The following EZH2 variants were observed in gnomAD, a reference collection of about 807,000 sequenced individuals.
The protein encoded by EZH2 is histone-lysine N-methyltransferase EZH2.
A neutral mutation model predicts 98.4 loss-of-function variants in EZH2; 18 were observed. That is an observed-to-expected ratio of 0.18 (90% CI 0.13 to 0.27). The LOEUF (loss-of-function observed/expected upper bound fraction) is 0.27, where lower values mean the gene tolerates loss of function less well. Ranked by LOEUF, EZH2 falls within the 10% of genes least tolerant of loss-of-function variation. The probability of loss-of-function intolerance (pLI) is 1.00; values close to 1 mark genes in which losing one functional copy is unlikely to be tolerated. For missense variants in EZH2, 470 were observed against 935.1 expected (o/e 0.50, Z 6.49); for synonymous variants, 338 against 312.3 (o/e 1.08, Z -0.87).
chr7:148,871,600 G>A (rs2129492003), intron 1 of EZH2, among the ~76,000 whole-genome samples: 1 of 147,344 alleles, frequency 6.8e-6, no homozygotes, highest in African/African-American at 2.6e-5. Context: ...TTTGAGCAGG[G>A]TCTTGTTCTG....
At chr7:148,811,485 T>G (rs1363505446) in intron 16 of EZH2, 140 bp downstream of exon 16, 6 of 654,828 alleles carry the variant, frequency 9.2e-6, no homozygotes, top group Non-Finnish European at 1.3e-5. Context: ...TCCACAAACA[T>G]GCAGAAGTCC....
intron 8 of EZH2, among the ~76,000 whole-genome samples, chr7:148,823,444 A>C (rs1232878693): frequency 6.6e-6 from 1 of 152,198 alleles, no homozygotes; most frequent in Admixed American, 6.5e-5. Flanking sequence ...CCTTATTCCA[A>C]AAAAAGGGAA....
At chr7:148,859,262 T>C (rs955600381) in intron 1 of EZH2, among the ~76,000 whole-genome samples, 3 of 152,064 alleles carry the variant, frequency 2.0e-5, no homozygotes, top group Non-Finnish European at 4.4e-5. Flanking sequence ...TCCCAGCACT[T>C]TGGGAGGCTG....
At chr7:148,859,818 C>T (rs983724627) in intron 1 of EZH2, among the ~76,000 whole-genome samples, 6 of 152,090 alleles carry the variant, frequency 3.9e-5, no homozygotes, top group Admixed American at 2.0e-4. Flanking sequence ...ATATCCGCAA[C>T]GCCTCAGTGA....
chr7:148,827,869 G>A (rs1808170821), intron 6 of EZH2, among the ~76,000 whole-genome samples: 1 of 152,202 alleles, frequency 6.6e-6, no homozygotes, highest in African/African-American at 2.4e-5. Context: ...TGTAATCCTA[G>A]CACTTTGGGA....
intron 19 of EZH2, among the ~76,000 whole-genome samples, 158 bp from the exon 20 acceptor site, chr7:148,807,864 A>T (rs942391511): frequency 1.3e-5 from 2 of 151,670 alleles, no homozygotes; most frequent in African/African-American, 4.8e-5. Flanking sequence ...CTGCCTGCAT[A>T]ACGGCACATT....
chr7:148,815,910 G>A (rs1239511415), intron 12 of EZH2, among the ~76,000 whole-genome samples: 1 of 151,904 alleles, frequency 6.6e-6, no homozygotes, highest in South Asian at 2.1e-4. Context: ...TGAACTACGT[G>A]GTCAGAAATA....
intron 19 of EZH2, among the ~76,000 whole-genome samples, chr7:148,808,743 C>T (rs965264122): frequency 3.3e-5 from 5 of 152,126 alleles, no homozygotes; most frequent in African/African-American, 4.8e-5. Flanking sequence ...ACAGTGTGAT[C>T]GCACTTATCT....
intron 3 of EZH2, among the ~76,000 whole-genome samples, chr7:148,839,065 G>GAGA (rs1180873968): frequency 7.7e-6 from 1 of 130,358 alleles, no homozygotes; most frequent in African/African-American, 3.2e-5. Context: ...AGGAAGGAAG[G>GAGA]AAGGAAGGAA....
rs73158272 is a variant in EZH2 at position 148,850,781 on chromosome 7, C to T, written c.-7-3476G>A. On this transcript the variant is annotated intron_variant, in intron 1 of 19. Coordinates refer to ENST00000320356, the MANE Select transcript of EZH2 (RefSeq NM_004456.5). ...CCCCCCGCCAACCCCACAGCGGATG[C>T]CTAAAGCTGCAGATAGTACTAAACT... Among the ~76,000 whole-genome samples the T allele has an allele frequency of 1.4e-3, 219 of 152,230 alleles. 1 individual carries two copies. Among genetic ancestry groups the T allele is most frequent in the Non-Finnish European group, 2.6e-3 (177 of 68,018 alleles).
chr7:148,820,648 C>G (rs1243860620), intron 8 of EZH2, among the ~76,000 whole-genome samples: 1 of 152,006 alleles, frequency 6.6e-6, no homozygotes, highest in East Asian at 1.9e-4. Flanking sequence ...TCCAGACAGC[C>G]TAACACCAAT....
At chr7:148,810,177 C>T (rs761665128) in intron 17 of EZH2, 156 bp downstream of exon 17, 6 of 517,438 alleles carry the variant, frequency 1.2e-5, no homozygotes, top group Non-Finnish European at 1.8e-5. Flanking sequence ...GAATTCCTTG[C>T]TCCAGTTCCT....
chr7:148,814,974 A>G lies in EZH2; in HGVS notation c.1612T>C (p.Ser538Pro). 1 of 1,613,994 alleles carries G rather than the reference A, an allele frequency of 6.2e-7. No homozygotes were observed. The change falls in exon 14 of 20, where the codon TCG becomes CCG. Residue 538 changes from serine to proline, a missense_variant. Transcript: ENST00000320356. Reference sequence around the variant, plus strand: ...TTTTGTGCTATCACACAAGGGCACGAACTGTCACAAGGCTGCCGTGGATGA... The same window carrying G: ...TTTTGTGCTATCACACAAGGGCACGGACTGTCACAAGGCTGCCGTGGATGA... ...CDHPRQPCDS[S>P]CPCVIAQNFC...
chr7:148,839,092 G>GGAAGGAAGGAAGGAAGGAAGGAAAGAAA (rs1562997871), intron 3 of EZH2, among the ~76,000 whole-genome samples: 4 of 144,574 alleles, frequency 2.8e-5, no homozygotes, highest in African/African-American at 1.1e-4. Flanking sequence ...AAGGAAGGAA[G>GGAAGGAAGGAAGGAAGGAAGGAAAGAAA]GAAGGAAGGA....
At chr7:148,822,284 C>A (rs991109312) in intron 8 of EZH2, among the ~76,000 whole-genome samples, 1 of 151,112 alleles carries the variant, frequency 6.6e-6, no homozygotes, top group Non-Finnish European at 1.5e-5. Flanking sequence ...CTGAGGCGGG[C>A]AGATCACTTG....
At chr7:148,809,288 T>C (rs1348976266) in intron 18 of EZH2, 22 bp downstream of exon 18, 2 of 1,598,008 alleles carry the variant, frequency 1.3e-6, no homozygotes, top group Non-Finnish European at 8.6e-7. Flanking sequence ...GGAGTTCCAA[T>C]TCTCACGTCA....
Position 148,840,258 on chromosome 7 carries a change from A to G in EZH2, c.246+6212T>C, listed in dbSNP as rs367971729. ...AAAGTTCAGTACAGCACTGATTGCA[A>G]AAGTAAAAATTAAAAATCTAAATGT... On this transcript the variant is annotated intron_variant, in intron 3 of 19. Transcript: ENST00000320356. Among the ~76,000 whole-genome samples, 17 of 152,338 alleles carry G rather than the reference A, an allele frequency of 1.1e-4. No individual in the cohort carries two copies. The East Asian group carries it at 2.9e-3, about 26-fold the overall frequency.
intron 3 of EZH2, among the ~76,000 whole-genome samples, chr7:148,836,338 C>T (rs531157767): frequency 2.0e-5 from 3 of 152,256 alleles, no homozygotes; most frequent in Non-Finnish European, 4.4e-5. Flanking sequence ...TACTATTAAC[C>T]GTAACTAACA....
intron 8 of EZH2, 123 bp from the exon 9 acceptor site, chr7:148,819,810 C>T (rs1040158815): frequency 4.0e-6 from 3 of 752,118 alleles, no homozygotes; most frequent in South Asian, 1.9e-5. Flanking sequence ...GTTTACGTTA[C>T]TTCATACAAC....
Sources: gnomAD v4.1 joint callset for allele counts (sites outside exome capture counted in the v4.1 genomes callset) on GRCh38, gnomAD v4.1.1 for gene constraint, MANE v1.5 for transcripts, NCBI Gene and HGNC (gene_info 2026-07-23, HGNC 2026-07-21) for gene names.